Variants in TCF12 observed in about 807,000 individuals in gnomAD.
TCF12 encodes the protein transcription factor 12.
A neutral mutation model predicts 86.0 loss-of-function variants in TCF12; 45 were observed. That is an observed-to-expected ratio of 0.52 (90% CI 0.41 to 0.67). The LOEUF (loss-of-function observed/expected upper bound fraction) is 0.67, where lower values mean the gene tolerates loss of function less well. TCF12 is among the 30% of genes least tolerant of loss of function. The pLI is 0.00. For synonymous variants in TCF12, 330 were observed against 299.6 expected (o/e 1.10, Z -1.05); for missense variants, 881 against 859.9 (o/e 1.02, Z -0.31).
chr15:57,220,673 A>G (rs569750789), intron 8 of TCF12, among the ~76,000 whole-genome samples: 18 of 152,190 alleles, frequency 1.2e-4, no homozygotes, highest in African/African-American at 3.6e-4. Flanking sequence ...AAAAAAATCT[A>G]TAAGCCAGAG....
At position 57,261,328 on chromosome 15, in the gene TCF12, G is replaced by A. The variant is rs115724856; in HGVS notation, c.1468-766G>A. Among the ~76,000 whole-genome samples the A allele has an allele frequency of 4.6e-3, 693 of 152,210 alleles. 8 individuals are homozygous for A. The highest frequency in any genetic ancestry group is 0.016 in the African/African-American group (666 of 41,540). ...GATCTACTACCAAATGACCTGCATT[G>A]CCTAAAATTTTGCTTTGGTTCCTTT... On this transcript the variant is annotated intron_variant, in intron 16 of 20. Coordinates refer to ENST00000333725, the MANE Select transcript of TCF12 (RefSeq NM_207037.2).
intron 5 of TCF12, among the ~76,000 whole-genome samples, chr15:57,106,530 A>T (rs1178644410): frequency 6.6e-6 from 1 of 152,252 alleles, no homozygotes; most frequent in Non-Finnish European, 1.5e-5. Context: ...CCCGGCAGGC[A>T]GAAGAGGAAA....
In TCF12 at chr15:56,984,001, CA is replaced by C. The variant is rs71113046; in HGVS notation, c.148+62918del. 1.0e-3 allele frequency among the ~76,000 whole-genome samples: 44 copies of C among 43,056 alleles called. 3 individuals are homozygous for C. The highest frequency in any genetic ancestry group is 3.0e-3 in the African/African-American group (31 of 10,364). 28.2% of individuals were successfully genotyped at this position (43,056 alleles called of 152,430 possible). A position where few individuals can be genotyped will look rare whatever the true frequency, so the allele number is the denominator to read the frequency against. On this transcript the variant is annotated intron_variant, in intron 3 of 20. Transcript: ENST00000333725. Reference sequence around the variant, plus strand: ...TAGGCAACTGAGTGAGACCCTGTCTCAAAAAAAAAAAAAAAGAAGAAGAAGA... The same window carrying C: ...TAGGCAACTGAGTGAGACCCTGTCTCAAAAAAAAAAAAAAGAAGAAGAAGA...
At chr15:57,071,172 T>TA (rs1488827047) in intron 4 of TCF12, among the ~76,000 whole-genome samples, 1 of 151,068 alleles carries the variant, frequency 6.6e-6, no homozygotes, top group Non-Finnish European at 1.5e-5. Context: ...GTTGGGAGGC[T>TA]AAAATGGGAG....
intron 16 of TCF12, among the ~76,000 whole-genome samples, chr15:57,259,464 T>C (rs2060488014): frequency 6.6e-6 from 1 of 152,254 alleles, no homozygotes; most frequent in South Asian, 2.1e-4. Context: ...CTCTTATTCA[T>C]CAACTAATTA....
At chr15:57,196,243 T>C (rs2151734880) in intron 7 of TCF12, among the ~76,000 whole-genome samples, 1 of 152,280 alleles carries the variant, frequency 6.6e-6, no homozygotes, top group South Asian at 2.1e-4. Context: ...TATTATTCCC[T>C]GAACAATACA....
At chr15:56,987,812 T>A in intron 3 of TCF12, among the ~76,000 whole-genome samples, 1 of 152,212 alleles carries the variant, frequency 6.6e-6, no homozygotes, top group East Asian at 1.9e-4. Context: ...TAAATTTGGA[T>A]TTTAACATCA....
At chr15:57,215,254 C>A (rs2058285401) in intron 8 of TCF12, among the ~76,000 whole-genome samples, 1 of 152,126 alleles carries the variant, frequency 6.6e-6, no homozygotes, top group African/African-American at 2.4e-5. Context: ...TGAGAGACAG[C>A]ATTCACTCAC....
chr15:56,922,250 C>T (rs1031803477), intron 3 of TCF12, among the ~76,000 whole-genome samples: 2 of 151,890 alleles, frequency 1.3e-5, no homozygotes, highest in Non-Finnish European at 2.9e-5. Flanking sequence ...TTCAGATTTA[C>T]TTTGACTAAT....
downstream of TCF12, among the ~76,000 whole-genome samples, chr15:57,291,301 T>G (rs536935294): frequency 2.0e-5 from 3 of 151,476 alleles, no homozygotes; most frequent in East Asian, 5.8e-4. Context: ...AAATCCTATG[T>G]AAATCGTTAT....
chr15:56,934,507 C>T (rs2060382662), intron 3 of TCF12, among the ~76,000 whole-genome samples: 1 of 152,154 alleles, frequency 6.6e-6, no homozygotes, highest in African/African-American at 2.4e-5. Context: ...TTGGATCTGT[C>T]TGCTGATGAC....
intron 8 of TCF12, among the ~76,000 whole-genome samples, chr15:57,212,316 C>G (rs1227771345): frequency 6.6e-6 from 1 of 152,114 alleles, no homozygotes; most frequent in Non-Finnish European, 1.5e-5. Flanking sequence ...GACGGTCTCT[C>G]TCTGTCACCC....
intron 4 of TCF12, among the ~76,000 whole-genome samples, chr15:57,068,609 C>T (rs1256434100): frequency 6.6e-6 from 1 of 152,098 alleles, no homozygotes; most frequent in African/African-American, 2.4e-5. Context: ...ATGATGAGTG[C>T]TCTATACATG....
chr15:57,257,426 T>C (rs1346388235), intron 16 of TCF12, among the ~76,000 whole-genome samples: 1 of 151,906 alleles, frequency 6.6e-6, no homozygotes, highest in Non-Finnish European at 1.5e-5. Context: ...TGGGAGGCCA[T>C]TCTCGATGGA....
At chr15:57,210,454 C>T (rs2058054844) in intron 8 of TCF12, among the ~76,000 whole-genome samples, 1 of 152,078 alleles carries the variant, frequency 6.6e-6, no homozygotes, top group Non-Finnish European at 1.5e-5. Context: ...AGGTTTTCAT[C>T]AGAAAACTAA....
intron 6 of TCF12, among the ~76,000 whole-genome samples, chr15:57,169,919 C>T (rs1423552294): frequency 6.6e-6 from 1 of 152,178 alleles, no homozygotes; most frequent in East Asian, 1.9e-4. Context: ...GATTAATGTG[C>T]ATTTGTACCA....
intron 4 of TCF12, among the ~76,000 whole-genome samples, chr15:57,089,700 G>A (rs944735105): frequency 5.3e-5 from 8 of 151,092 alleles, no homozygotes; most frequent in African/African-American, 1.2e-4. Flanking sequence ...AATGTGTAGC[G>A]TGAACAATGT....
At chr15:57,116,254 A>G (rs1293504324) in intron 5 of TCF12, among the ~76,000 whole-genome samples, 2 of 152,232 alleles carry the variant, frequency 1.3e-5, no homozygotes, top group African/African-American at 2.4e-5. Flanking sequence ...CAGGTAACCA[A>G]TAAACTTTAG....
In TCF12 at chr15:56,921,103, G is replaced by A. The variant is rs1177354339; in HGVS notation, c.148+5G>A. On this transcript the variant is annotated splice_donor_5th_base_variant and intron_variant, in intron 3 of 20. Coordinates refer to ENST00000333725, the MANE Select transcript of TCF12 (RefSeq NM_207037.2). ...GCAGTCAATTCAGTGGATCAGGTAA[G>A]ATGATGTCTTAAACTAAAGACTCAT... is the stretch of plus-strand genomic sequence containing the variant. The A allele has an allele frequency of 6.2e-7, 1 of 1,601,222 alleles. No individual in the cohort carries two copies. The highest frequency in any genetic ancestry group is 1.3e-5 in the African/African-American group (1 of 74,656).
Sources: gnomAD v4.1 joint callset for allele counts (sites outside exome capture counted in the v4.1 genomes callset) on GRCh38, gnomAD v4.1.1 for gene constraint, MANE v1.5 for transcripts, NCBI Gene and HGNC (gene_info 2026-07-23, HGNC 2026-07-21) for gene names.